Variants in TP53I11 observed in about 807,000 individuals in gnomAD.
TP53I11 encodes tumor protein p53 inducible protein 11.
In TP53I11, 9 loss-of-function variants were observed where a neutral mutation model predicts 23.3. The observed-to-expected ratio is 0.39, with a 90% CI of 0.23 to 0.67. The LOEUF is 0.67. TP53I11 is among the 30% of genes least tolerant of loss of function. The pLI is 0.48. For missense variants in TP53I11, 170 were observed against 255.2 expected (o/e 0.67, Z 2.27); for synonymous variants, 100 against 106.1 (o/e 0.94, Z 0.35).
chr11:44,941,494 G>A (rs1861750128), intron 1 of TP53I11, among the ~76,000 whole-genome samples: 1 of 152,168 alleles, frequency 6.6e-6, no homozygotes, highest in African/African-American at 2.4e-5. Flanking sequence ...GCCTGGCTGT[G>A]TGCCCGTGGG....
chr11:44,949,925 C>A (rs989674863), intron 1 of TP53I11: 2 of 152,408 alleles, frequency 1.3e-5, no homozygotes, highest in East Asian at 1.9e-4. Context: ...CTCAGCCTCG[C>A]CCCTCCCCCT....
At chr11:44,940,969 G>C (rs148920420) in intron 1 of TP53I11, 2,130 of 152,296 alleles carry the variant, frequency 0.014, 16 homozygotes, top group Non-Finnish European at 0.022. Context: ...CCTCTCCCAG[G>C]CCAGACGTGC....
Position 44,944,502 on chromosome 11 carries a change from G to C in TP53I11, c.-31-6136C>G, listed in dbSNP as rs374521963. Among the ~76,000 whole-genome samples the C allele has an allele frequency of 3.9e-5, 6 of 152,200 alleles. No homozygotes were observed. In the South Asian group the frequency reaches 1.2e-3, roughly 32 times the overall value. ...ACCTCCACATGCTTCCCAGGGGCGAGGCGGGAACAAGCAAAGTCCCCAAGA... is the reference window on the plus strand; with the variant it reads ...ACCTCCACATGCTTCCCAGGGGCGACGCGGGAACAAGCAAAGTCCCCAAGA... On this transcript the variant is annotated intron_variant, in intron 1 of 6. Transcript: ENST00000525680.
In TP53I11 at chr11:44,933,197, T is replaced by A. The variant is rs527902217; in HGVS notation, c.*1687A>T. The A allele has an allele frequency of 6.6e-6, 1 of 152,176 alleles. No homozygotes were observed. The highest frequency in any genetic ancestry group is 2.1e-4 in the South Asian group (1 of 4,812). 9.4% of individuals were successfully genotyped at this position (152,176 alleles called of 1,614,324 possible). ...GCTCTGCCACGTTTACCAAGCAGAG[T>A]CTCGGGGCATCCGCTGTAACCATGG... On this transcript the variant is annotated 3_prime_UTR_variant, in exon 7 of 7. Coordinates refer to ENST00000525680, the MANE Select transcript of TP53I11 (RefSeq NM_006034.5).
chr11:44,946,574 C>T (rs1862414088), intron 1 of TP53I11, among the ~76,000 whole-genome samples: 1 of 152,218 alleles, frequency 6.6e-6, no homozygotes, highest in Admixed American at 6.5e-5. Context: ...TGACACAGCT[C>T]TGCAGTTGAG....
At chr11:44,942,278 TCA>T (rs893407051) in intron 1 of TP53I11, among the ~76,000 whole-genome samples, 2 of 93,578 alleles carry the variant, frequency 2.1e-5, no homozygotes, top group Non-Finnish European at 4.4e-5. Context: ...ACCACACACA[TCA>T]CACACACCAC....
At chr11:44,937,208 G>T in intron 4 of TP53I11, 96 bp downstream of exon 4, 1 of 1,448,338 alleles carries the variant, frequency 6.9e-7, no homozygotes, top group Non-Finnish European at 9.5e-7. Context: ...GCCCCTGCAC[G>T]AGGGGCCAGG....
chr11:44,947,664 G>A (rs565463807), intron 1 of TP53I11, among the ~76,000 whole-genome samples: 3 of 152,278 alleles, frequency 2.0e-5, no homozygotes, highest in South Asian at 4.1e-4. Context: ...CCAATCCTGG[G>A]GTGCTGGCTT....
Position 44,936,366 on chromosome 11 carries a change from C to T in TP53I11, c.334+437G>A, listed in dbSNP as rs946552569. The T allele has an allele frequency of 1.8e-5, 22 of 1,228,434 alleles. No homozygotes were observed. The highest frequency in any genetic ancestry group is 3.2e-5 in the East Asian group (1 of 31,412). 76.1% of individuals were successfully genotyped at this position (1,228,434 alleles called of 1,614,324 possible). A position where few individuals can be genotyped will look rare whatever the true frequency, so the allele number is the denominator to read the frequency against. ...TAAAAATTGTAATTCCAAATCCTAA[C>T]GTGTGCATCTCAGGTTAGAGAGGAA... On this transcript the variant is annotated intron_variant, in intron 5 of 6. Coordinates refer to ENST00000525680, the MANE Select transcript of TP53I11 (RefSeq NM_006034.5). This position sits in a 1 kb window ranked among gnomAD's most constrained non-coding sequence, Gnocchi z 4.4.
Position 44,936,950 on chromosome 11 carries a change from G to T in TP53I11, c.238-51C>A. 4 of 1,332,310 alleles carry T rather than the reference G, an allele frequency of 3.0e-6. No individual in the cohort carries two copies. The highest frequency in any genetic ancestry group is 4.2e-6 in the Non-Finnish European group (4 of 959,700). 82.5% of individuals were successfully genotyped at this position (1,332,310 alleles called of 1,614,324 possible). A position where few individuals can be genotyped will look rare whatever the true frequency, so the allele number is the denominator to read the frequency against. ...GGTCCCGCTTGGGAGAGGGTGGGGG[G>T]TGACAGCTGATGCTTCCCACAGACG... On this transcript the variant is annotated intron_variant, in intron 4 of 6. Coordinates refer to ENST00000525680, the MANE Select transcript of TP53I11 (RefSeq NM_006034.5). This position sits in a 1 kb window ranked among gnomAD's most constrained non-coding sequence, Gnocchi z 4.4.
intron 6 of TP53I11, 60 bp downstream of exon 6, chr11:44,935,501 C>A: frequency 6.7e-7 from 1 of 1,495,880 alleles, no homozygotes; most frequent in Non-Finnish European, 9.3e-7. Flanking sequence ...GTGGCTAGAG[C>A]AGGCAGGTCA....
chr11:44,938,317 G>T lies in TP53I11; in HGVS notation c.19C>A (p.Pro7Thr). 6.2e-7 allele frequency: 1 copy of T among 1,605,678 alleles called. No homozygotes were observed. The highest frequency in any genetic ancestry group is 1.3e-5 in the African/African-American group (1 of 74,888). The change falls in exon 2 of 7, where the codon CCG (proline) becomes ACG (threonine). Residue 7 changes from proline (P) to threonine (T), a missense_variant. By Grantham distance (38) the Pro-to-Thr change is conservative. Coordinates refer to ENST00000525680, the MANE Select transcript of TP53I11 (RefSeq NM_006034.5). Reference protein sequence around the residue: MAAKQPPPLMKKHSQTD... With the variant: MAAKQPTPLMKKHSQTD... ...TGGCTGTGCTTCTTCATCAGAGGCGGGGGCTGCTTGGCCGCCATCTTCTCC... is the reference window on the plus strand; with the variant it reads ...TGGCTGTGCTTCTTCATCAGAGGCGTGGGCTGCTTGGCCGCCATCTTCTCC...
chr11:44,936,676 T>G lies in TP53I11; in HGVS notation c.334+127A>C, dbSNP rs1590742099. On this transcript the variant is annotated intron_variant, in intron 5 of 6. Coordinates refer to ENST00000525680, the MANE Select transcript of TP53I11 (RefSeq NM_006034.5). This position sits in a 1 kb window ranked among gnomAD's most constrained non-coding sequence, Gnocchi z 4.4. ...CAGAGAGCTTCATCAGAGGCCGGGG[T>G]GTGGGCGCAGCATCTGGCCGAAGAA... The G allele has an allele frequency of 3.0e-6, 4 of 1,351,714 alleles. No homozygotes were observed. The South Asian group carries it at 5.4e-5, about 18-fold the overall frequency. 83.7% of individuals were successfully genotyped at this position (1,351,714 alleles called of 1,614,324 possible).
rs534696058 is a variant in TP53I11, at chr11:44,934,453, G to A, written c.*431C>T. On this transcript the variant is annotated 3_prime_UTR_variant, in exon 7 of 7. Transcript: ENST00000525680. The stretch of plus-strand genomic sequence containing the variant: ...GTTTAGCTGCTTGGGCACTAGGTTG[G>A]CTGGGAGTGTAGGGAGAAGGATGGG... 1.3e-3 allele frequency: 234 copies of A among 176,814 alleles called. 1 individual carries two copies. The highest frequency in any genetic ancestry group is 4.8e-3 in the African/African-American group (206 of 42,518). The allele number at this position is 176,814 out of a possible 1,614,324, so 11.0% of individuals were successfully genotyped here.
At chr11:44,937,673 G>C in intron 2 of TP53I11, 60 bp from the exon 3 acceptor site, 1 of 1,553,338 alleles carries the variant, frequency 6.4e-7, no homozygotes, top group Non-Finnish European at 8.9e-7. Context: ...GCCCCCACTC[G>C]CTCATCCTCC....
chr11:44,948,854 AG>A (rs1862636871), intron 1 of TP53I11, among the ~76,000 whole-genome samples: 1 of 152,230 alleles, frequency 6.6e-6, no homozygotes, highest in Non-Finnish European at 1.5e-5. Flanking sequence ...GGCTATCAAA[AG>A]AAATTGGGAG....
chr11:44,935,820 T>A (rs910292719), intron 5 of TP53I11, 158 bp from the exon 6 acceptor site: 7 of 624,984 alleles, frequency 1.1e-5, no homozygotes, highest in East Asian at 5.5e-5. Flanking sequence ...AAATCAAAGC[T>A]GTCTGTCCCC....
chr11:44,934,131 G>T lies in TP53I11; in HGVS notation c.*753C>A, dbSNP rs955294363. 6.6e-6 allele frequency: 1 copy of T among 152,608 alleles called. No homozygotes were observed. Among genetic ancestry groups the T allele is most frequent in the African/African-American group, 2.4e-5 (1 of 41,460 alleles). The allele number at this position is 152,608 out of a possible 1,614,324, so 9.5% of individuals were successfully genotyped here. On this transcript the variant is annotated 3_prime_UTR_variant, in exon 7 of 7. Coordinates refer to ENST00000525680, the MANE Select transcript of TP53I11 (RefSeq NM_006034.5). ...TCATCTTGTCAGGCCAGGAGAGTGG[G>T]GACAGGACTTCTAGCTGGGAGAGGA... is the stretch of plus-strand genomic sequence containing the variant.
chr11:44,936,662 A>G lies in TP53I11; in HGVS notation c.334+141T>C, dbSNP rs1222640780. On this transcript the variant is annotated intron_variant, in intron 5 of 6. Coordinates refer to ENST00000525680, the MANE Select transcript of TP53I11 (RefSeq NM_006034.5). This position sits in a 1 kb window ranked among gnomAD's most constrained non-coding sequence, Gnocchi z 4.4. ...CAGCACATCCCCAGCAGAGAGCTTCATCAGAGGCCGGGGTGTGGGCGCAGC... is the reference window on the plus strand; with the variant it reads ...CAGCACATCCCCAGCAGAGAGCTTCGTCAGAGGCCGGGGTGTGGGCGCAGC... The G allele has an allele frequency of 2.9e-6, 4 of 1,370,736 alleles. No homozygotes were observed. The highest frequency in any genetic ancestry group is 3.8e-6 in the Non-Finnish European group (4 of 1,060,484). 84.9% of individuals were successfully genotyped at this position (1,370,736 alleles called of 1,614,324 possible). A position where few individuals can be genotyped will look rare whatever the true frequency, so the allele number is the denominator to read the frequency against.
Sources: gnomAD v4.1 joint callset for allele counts (sites outside exome capture counted in the v4.1 genomes callset) on GRCh38, gnomAD v4.1.1 for gene constraint, Gnocchi (gnomAD v3.1) non-coding constraint, MANE v1.5 for transcripts, NCBI Gene and HGNC (gene_info 2026-07-23, HGNC 2026-07-21) for gene names.